The following CYP20A1 variants were observed in gnomAD, a reference collection of about 807,000 sequenced individuals.
The protein encoded by CYP20A1 is cytochrome P450 family 20 subfamily A member 1, also known as cytochrome P450 20A1.
CYP20A1 carries 61 observed loss-of-function variants against 61.4 expected under a neutral mutation model. The ratio of observed to expected loss-of-function variants is 0.99; its 90% CI spans 0.81 to 1.23. CYP20A1 has a LOEUF of 1.23. Among genes scored for constraint, CYP20A1 ranks in the 50% most tolerant of loss-of-function variants. The pLI is 0.00. For synonymous variants in CYP20A1, 193 were observed against 188.2 expected, an observed-to-expected ratio of 1.03 and a Z score of -0.21; for missense variants, 530 against 542.4, an observed-to-expected ratio of 0.98 and a Z score of 0.23.
chr2:203,272,779 AC>A, intron 6 of CYP20A1, 31 bp downstream of exon 6: 1 of 1,351,532 alleles, frequency 7.4e-7, no homozygotes, highest in Middle Eastern at 1.8e-4. Flanking sequence ...TTTAGTGAGG[AC>A]AAAAAATAAA....
At chr2:203,270,492 G>C (rs1236638722) in intron 5 of CYP20A1, among the ~76,000 whole-genome samples, 1 of 151,750 alleles carries the variant, frequency 6.6e-6, no homozygotes, top group African/African-American at 2.4e-5. Context: ...TTCTATTTTT[G>C]TGTTGCTTTT....
chr2:203,277,133 G>A (rs1011445000), intron 6 of CYP20A1, among the ~76,000 whole-genome samples: 1 of 152,020 alleles, frequency 6.6e-6, no homozygotes, highest in Admixed American at 6.6e-5. Flanking sequence ...CGGATCACAA[G>A]GTCAGGAGAT....
chr2:203,262,315 C>G (rs917359259), intron 4 of CYP20A1, among the ~76,000 whole-genome samples: 1 of 152,166 alleles, frequency 6.6e-6, no homozygotes, highest in Non-Finnish European at 1.5e-5. Flanking sequence ...GCCTCAGCCC[C>G]TCAAAGTGCT....
rs1055100853 is a variant in CYP20A1, at chr2:203,250,450, G to A, written c.290-1517G>A. ...AAGGTCACAGCTAATTAGTGATGGA[G>A]CTAGGACTTGAAGTCAGGCAATCTG... On this transcript the variant is annotated intron_variant, in intron 3 of 12. Coordinates refer to ENST00000356079, the MANE Select transcript of CYP20A1 (RefSeq NM_177538.3). Among the ~76,000 whole-genome samples the A allele has an allele frequency of 8.9e-4, 135 of 152,258 alleles. 7 individuals are homozygous for A. The highest frequency in any genetic ancestry group is 6.8e-3 in the Middle Eastern group (2 of 294).
intron 6 of CYP20A1, among the ~76,000 whole-genome samples, chr2:203,273,142 G>A (rs368481518): frequency 3.9e-5 from 6 of 152,106 alleles, no homozygotes; most frequent in Admixed American, 6.6e-5. Flanking sequence ...ACTGTGCCCG[G>A]CCTATATTTA....
At chr2:203,266,807 C>T (rs1287933452) in intron 5 of CYP20A1, 126 bp downstream of exon 5, 14 of 741,818 alleles carry the variant, frequency 1.9e-5, no homozygotes, top group South Asian at 5.4e-5. Context: ...ATGGTAAAAA[C>T]GTGTCTCTAC....
rs1277905720 is a variant in CYP20A1, at chr2:203,303,040, A to C, written c.*6132A>C. On this transcript the variant is annotated 3_prime_UTR_variant, in exon 13 of 13. Coordinates refer to ENST00000356079, the MANE Select transcript of CYP20A1 (RefSeq NM_177538.3). ...TTTTGAGATGGAGTCTCGCTGTGTC[A>C]CCCAGGCTGGAGTGTGGTGGCACGA... Among the ~76,000 whole-genome samples, 3 of 145,752 alleles carry C rather than the reference A, an allele frequency of 2.1e-5. No homozygotes were observed. Among genetic ancestry groups the C allele is most frequent in the Non-Finnish European group, 4.5e-5 (3 of 66,694 alleles).
chr2:203,251,796 T>C lies in CYP20A1; in HGVS notation c.290-171T>C, dbSNP rs866692689. On this transcript the variant is annotated intron_variant, in intron 3 of 12. Coordinates refer to ENST00000356079, the MANE Select transcript of CYP20A1 (RefSeq NM_177538.3). ...AAAGAAAACTATATATATATGTGTA[T>C]ATATATATATATATATATATAAAAA... 6.8e-4 allele frequency among the ~76,000 whole-genome samples: 51 copies of C among 75,254 alleles called. 1 individual carries two copies. The highest frequency in any genetic ancestry group is 3.9e-3 in the African/African-American group (49 of 12,678). 49.4% of individuals were successfully genotyped at this position (75,254 alleles called of 152,430 possible).
At chr2:203,281,234 A>G (rs184301301) in intron 8 of CYP20A1, among the ~76,000 whole-genome samples, 16 of 152,276 alleles carry the variant, frequency 1.1e-4, no homozygotes, top group African/African-American at 1.2e-4. Flanking sequence ...GGACCAGGCA[A>G]GGTGGCTCAC....
intron 11 of CYP20A1, among the ~76,000 whole-genome samples, chr2:203,295,712 C>T (rs1575283694): frequency 6.6e-6 from 1 of 151,756 alleles, no homozygotes; most frequent in South Asian, 2.1e-4. Flanking sequence ...CTTTGGGAGG[C>T]CAAGGCAGGT....
At chr2:203,274,300 C>G (rs1437737831) in intron 6 of CYP20A1, among the ~76,000 whole-genome samples, 1 of 151,812 alleles carries the variant, frequency 6.6e-6, no homozygotes, top group African/African-American at 2.4e-5. Flanking sequence ...ATTCTTCTGC[C>G]TCAGCCTCCT....
intron 4 of CYP20A1, among the ~76,000 whole-genome samples, chr2:203,255,583 C>T (rs2066863434): frequency 1.3e-5 from 2 of 152,208 alleles, no homozygotes; most frequent in South Asian, 4.1e-4. Context: ...TCATGGACTG[C>T]ACTGGATTCC....
At chr2:203,289,952 A>G (rs2068462961) in intron 10 of CYP20A1, 76 bp downstream of exon 10, 2 of 605,854 alleles carry the variant, frequency 3.3e-6, no homozygotes, top group South Asian at 3.7e-5. Flanking sequence ...ATATATATAT[A>G]TATTTTAGAC....
At chr2:203,243,989 C>G (rs559017163) in intron 1 of CYP20A1, among the ~76,000 whole-genome samples, 1 of 152,284 alleles carries the variant, frequency 6.6e-6, no homozygotes, top group East Asian at 1.9e-4. Flanking sequence ...CACACCTGGC[C>G]TATTTCATTG....
chr2:203,287,996 TTTC>T (rs2068359608), intron 9 of CYP20A1, among the ~76,000 whole-genome samples: 1 of 151,298 alleles, frequency 6.6e-6, no homozygotes, highest in South Asian at 2.1e-4. Context: ...GAGTTTTTCT[TTTC>T]TTTTTTTTTT....
chr2:203,296,793 T>C lies in CYP20A1; in HGVS notation c.1274T>C (p.Val425Ala). ...AYMVTTVLLS[V>A]LVKRLHLLSV... is the part of the protein sequence containing the mutation. Reference sequence around the variant, plus strand: ...ATGGTGACCACAGTACTTCTTAGTGTATTGGTGAAGAGACTGCACCTACTT... The same window carrying C: ...ATGGTGACCACAGTACTTCTTAGTGCATTGGTGAAGAGACTGCACCTACTT... Residue 425 changes from valine (V) to alanine (A), a missense_variant, in exon 13 of 13, where the codon GTA becomes GCA. Coordinates refer to ENST00000356079, the MANE Select transcript of CYP20A1 (RefSeq NM_177538.3). The C allele has an allele frequency of 6.2e-7, 1 of 1,605,522 alleles. No individual in the cohort carries two copies. Among genetic ancestry groups the C allele is most frequent in the Non-Finnish European group, 8.5e-7 (1 of 1,177,138 alleles).
At chr2:203,246,034 A>T in intron 2 of CYP20A1, 139 bp downstream of exon 2, 1 of 595,660 alleles carries the variant, frequency 1.7e-6, no homozygotes, top group Non-Finnish European at 3.0e-6. Flanking sequence ...TGAGGCCAGG[A>T]GTTTAATGCT....
intron 9 of CYP20A1, among the ~76,000 whole-genome samples, chr2:203,289,386 AG>A (rs1290220920): frequency 1.3e-5 from 2 of 152,074 alleles, no homozygotes; most frequent in Admixed American, 6.6e-5. Flanking sequence ...TTCTCTAGTT[AG>A]GTTATGTATA....
chr2:203,283,675 A>G (rs1239746596), intron 8 of CYP20A1, among the ~76,000 whole-genome samples: 1 of 150,956 alleles, frequency 6.6e-6, no homozygotes, highest in East Asian at 1.9e-4. Flanking sequence ...CAGCCTTCCA[A>G]GTAGCTGGGA....
Sources: allele counts gnomAD v4.1 joint callset (sites outside exome capture counted in the v4.1 genomes callset), GRCh38; gene constraint gnomAD v4.1.1; transcripts MANE v1.5; gene names NCBI Gene and HGNC (gene_info 2026-07-23, HGNC 2026-07-21).